Variants in NSD2 observed in about 807,000 individuals in gnomAD.
NSD2 encodes the protein nuclear receptor binding SET domain protein 2, also known as histone-lysine N-methyltransferase NSD2.
A neutral mutation model predicts 139.0 loss-of-function variants in NSD2; 12 were observed. The observed-to-expected ratio is 0.09, with a 90% CI of 0.06 to 0.14. The LOEUF (loss-of-function observed/expected upper bound fraction) is 0.14, where lower values mean the gene tolerates loss of function less well. NSD2 is among the 10% of genes least tolerant of loss of function. NSD2 has a pLI of 1.00. For missense variants in NSD2, 1,155 were observed against 1,745.0 expected (o/e 0.66, Z 6.02); for synonymous variants, 669 against 648.7 (o/e 1.03, Z -0.48).
chr4:1,971,304 C>T (rs1468475821), intron 18 of NSD2, among the ~76,000 whole-genome samples: 1 of 152,116 alleles, frequency 6.6e-6, no homozygotes, highest in Non-Finnish European at 1.5e-5. Flanking sequence ...CAGAAGAAGG[C>T]TTTTTTGACA....
In NSD2 at chr4:1,908,911, T is replaced by C. The variant is rs530671302; in HGVS notation, c.760+4533T>C. Among the ~76,000 whole-genome samples the C allele has an allele frequency of 2.0e-5, 3 of 152,114 alleles. No homozygotes were observed. In the South Asian group the frequency reaches 6.2e-4, roughly 32 times the overall value. ...CTTCTTCCTGCCTTGGCCTCCCAAA[T>C]TGTTGGGATTACAAGTGTGAGCCAC... On this transcript the variant is annotated intron_variant, in intron 3 of 21. Coordinates refer to ENST00000508803, the MANE Select transcript of NSD2 (RefSeq NM_001042424.3).
intron 1 of NSD2, among the ~76,000 whole-genome samples, chr4:1,896,179 C>A (rs1452627842): frequency 6.6e-6 from 1 of 152,224 alleles, no homozygotes; most frequent in African/African-American, 2.4e-5. Flanking sequence ...AGCTGCTCGC[C>A]ATGACTCCTC....
chr4:1,879,570 C>T (rs1393796706), intron 1 of NSD2, among the ~76,000 whole-genome samples: 1 of 152,010 alleles, frequency 6.6e-6, no homozygotes, highest in Non-Finnish European at 1.5e-5. Context: ...GTGACTCTGG[C>T]CAGTGATCCT....
At position 1,973,140 on chromosome 4, in the gene NSD2, C is replaced by T. The variant is rs542648116; in HGVS notation, c.3373-1723C>T. Among the ~76,000 whole-genome samples the T allele has an allele frequency of 4.9e-4, 75 of 152,286 alleles. No individual in the cohort carries two copies. Among genetic ancestry groups the T allele is most frequent in the African/African-American group, 1.5e-3 (63 of 41,538 alleles). ...GATTATAGGTGTGAGCCACCGCGCC[C>T]GGCCGACATATTGTTATAAAGGGGT... On this transcript the variant is annotated intron_variant, in intron 18 of 21. Transcript: ENST00000508803. This position sits in a 1 kb window ranked among gnomAD's most constrained non-coding sequence, Gnocchi z 5.5.
chr4:1,965,051 C>CA (rs555374240), intron 18 of NSD2, among the ~76,000 whole-genome samples: 27,563 of 46,892 alleles, frequency 0.59, 10,143 homozygotes, highest in East Asian at 0.86. Flanking sequence ...CAGTGTTCAG[C>CA]AAAAAAAAAA....
intron 1 of NSD2, chr4:1,892,101 T>C (rs1715620476): frequency 6.6e-6 from 1 of 152,184 alleles, no homozygotes; most frequent in African/African-American, 2.4e-5. Flanking sequence ...TTCCAAGTGC[T>C]GGAGAACTTG....
chr4:1,907,595 T>G (rs1718089515), intron 3 of NSD2, among the ~76,000 whole-genome samples: 1 of 151,832 alleles, frequency 6.6e-6, no homozygotes, highest in East Asian at 1.9e-4. Context: ...TTGAAACATC[T>G]TGTTCTACCT....
chr4:1,951,443 T>TCCACACACAC lies in NSD2; in HGVS notation c.2013+240_2013+241insCCACACACAC, dbSNP rs1310266241. Reference sequence around the variant, plus strand: ...TGAGATTTGTATACACATCATGTAATACACACACACACACACACACACACA... The same window carrying TCCACACACAC: ...TGAGATTTGTATACACATCATGTAATCCACACACACACACACACACACACACACACACACA... On this transcript the variant is annotated intron_variant, in intron 10 of 21. Coordinates refer to ENST00000508803, the MANE Select transcript of NSD2 (RefSeq NM_001042424.3). 8.9e-4 allele frequency among the ~76,000 whole-genome samples: 90 copies of TCCACACACAC among 101,078 alleles called. 33 individuals are homozygous for TCCACACACAC. Among genetic ancestry groups the TCCACACACAC allele is most frequent in the East Asian group, 2.0e-3 (6 of 2,952 alleles). 66.3% of individuals were successfully genotyped at this position (101,078 alleles called of 152,430 possible). A position where few individuals can be genotyped will look rare whatever the true frequency, so the allele number is the denominator to read the frequency against.
At chr4:1,872,714 C>T (rs1212526922) in intron 1 of NSD2, among the ~76,000 whole-genome samples, 1 of 151,878 alleles carries the variant, frequency 6.6e-6, no homozygotes, top group African/African-American at 2.4e-5. Context: ...GTGCTACCCA[C>T]CTGCTTCACA....
intron 3 of NSD2, among the ~76,000 whole-genome samples, chr4:1,912,828 T>C (rs1045370481): frequency 6.6e-6 from 1 of 152,142 alleles, no homozygotes; most frequent in Non-Finnish European, 1.5e-5. Context: ...TCTTAACCTT[T>C]TGCACTGCAG....
chr4:1,912,803 C>T (rs1718852689), intron 3 of NSD2, among the ~76,000 whole-genome samples: 1 of 151,988 alleles, frequency 6.6e-6, no homozygotes, highest in Non-Finnish European at 1.5e-5. Context: ...CTGCTTGATT[C>T]TGGTTTGCTA....
chr4:1,976,373 C>T lies in NSD2; in HGVS notation c.3622-102C>T, dbSNP rs1170830223. On this transcript the variant is annotated intron_variant, in intron 20 of 21. Transcript: ENST00000508803. The surrounding 1 kb of genome is among the most constrained non-coding windows in gnomAD (Gnocchi z 5.3). ...CTCTCCTCTTAGTGTTGGGCACCTG[C>T]AGAGATCTCTGAAGTTCCTGGAGTG... 6.1e-6 allele frequency: 8 copies of T among 1,308,702 alleles called. No homozygotes were observed. The East Asian group carries it at 1.5e-4, about 25-fold the overall frequency. The allele number at this position is 1,308,702 out of a possible 1,614,324, so 81.1% of individuals were successfully genotyped here.
Position 1,958,104 on chromosome 4 carries a change from G to T in NSD2, c.2985+68G>T. ...CCCCGAGGGCCGTGAGAGGTTCTTA[G>T]GCACACCCAGGCTATGGCTGGGGAG... On this transcript the variant is annotated intron_variant, in intron 16 of 21. Transcript: ENST00000508803. This position sits in a 1 kb window ranked among gnomAD's most constrained non-coding sequence, Gnocchi z 4.6. The T allele has an allele frequency of 1.3e-6, 2 of 1,488,996 alleles. No individual in the cohort carries two copies. The highest frequency in any genetic ancestry group is 1.9e-6 in the Non-Finnish European group (2 of 1,078,934). 92.2% of individuals were successfully genotyped at this position (1,488,996 alleles called of 1,614,324 possible).
In NSD2 at chr4:1,979,004, G is replaced by C. The variant is rs1277998167; in HGVS notation, c.*95G>C. On this transcript the variant is annotated 3_prime_UTR_variant, in exon 22 of 22. Coordinates refer to ENST00000508803, the MANE Select transcript of NSD2 (RefSeq NM_001042424.3). ...AGCATGAACTGGCCCGGAGGACCCA[G>C]CTCGAGCCGCCAGGACACAGACGTA... The C allele has an allele frequency of 7.1e-7, 1 of 1,410,236 alleles. No homozygotes were observed. Among genetic ancestry groups the C allele is most frequent in the Non-Finnish European group, 9.3e-7 (1 of 1,078,274 alleles). The allele number at this position is 1,410,236 out of a possible 1,614,324, so 87.4% of individuals were successfully genotyped here.
At chr4:1,947,754 A>C (rs1723784775) in intron 9 of NSD2, 1 of 1,050,358 alleles carries the variant, frequency 9.5e-7, no homozygotes, top group African/African-American at 1.7e-5. Context: ...CAACATGAAA[A>C]TTATGTCAGT....
intron 1 of NSD2, among the ~76,000 whole-genome samples, chr4:1,881,515 G>A (rs554835085): frequency 6.6e-6 from 1 of 152,170 alleles, no homozygotes; most frequent in Non-Finnish European, 1.5e-5. Flanking sequence ...CACCCGCCTC[G>A]GCCTCCCAAA....
intron 5 of NSD2, 31 bp downstream of exon 5, chr4:1,918,654 A>C (rs1050817165): frequency 1.2e-6 from 2 of 1,605,360 alleles, no homozygotes; most frequent in African/African-American, 1.3e-5. Flanking sequence ...CATGCTAGCA[A>C]GTTTCAGAAT....
intron 1 of NSD2, chr4:1,899,492 TTC>T (rs1716882394): frequency 6.6e-6 from 1 of 152,296 alleles, no homozygotes; most frequent in Admixed American, 6.5e-5. Context: ...AGAACCGCTG[TTC>T]TAGTCCACGG....
chr4:1,910,932 T>C (rs565729067), intron 3 of NSD2, among the ~76,000 whole-genome samples: 46 of 152,286 alleles, frequency 3.0e-4, no homozygotes, highest in Non-Finnish European at 5.4e-4. Context: ...TCGTTGTGAC[T>C]TTGCTCCTGT....
Sources: allele counts gnomAD v4.1 joint callset (sites outside exome capture counted in the v4.1 genomes callset), GRCh38; gene constraint gnomAD v4.1.1; non-coding constraint Gnocchi (gnomAD v3.1); transcripts MANE v1.5; gene names NCBI Gene and HGNC (gene_info 2026-07-23, HGNC 2026-07-21).